Variants in LRP2 observed in about 807,000 individuals in gnomAD.
The protein encoded by LRP2 is LDL receptor related protein 2.
Under a neutral mutation model 531.0 loss-of-function variants are expected in LRP2, and 172 were observed. The ratio of observed to expected loss-of-function variants is 0.32; its 90% CI spans 0.29 to 0.37. The LOEUF is 0.37. LRP2 is among the 10% of genes least tolerant of loss of function. LRP2 has a pLI of 1.00. For missense variants in LRP2, 5,167 were observed against 5,868.3 expected (o/e 0.88, Z 3.90); for synonymous variants, 1,992 against 2,027.6 (o/e 0.98, Z 0.47).
chr2:169,191,723 AG>A lies in LRP2; in HGVS notation c.9032+108del, dbSNP rs577621021. On this transcript the variant is annotated intron_variant, in intron 48 of 78. Transcript: ENST00000649046. ...CCAAACATTTTCATAAGCCACTAAAAGCATCATGGGCCCTGGGCACTGTGGC... is the reference window on the plus strand; with the variant it reads ...CCAAACATTTTCATAAGCCACTAAAACATCATGGGCCCTGGGCACTGTGGC... 3.6e-4 allele frequency: 306 copies of A among 853,348 alleles called. 1 individual carries two copies. In the East Asian group the frequency reaches 7.1e-3, roughly 20 times the overall value. The allele number at this position is 853,348 out of a possible 1,614,324, so 52.9% of individuals were successfully genotyped here.
intron 53 of LRP2, 77 bp from the exon 54 acceptor site, chr2:169,176,665 T>G: frequency 7.6e-7 from 1 of 1,321,894 alleles, no homozygotes; most frequent in Non-Finnish European, 1.1e-6. Flanking sequence ...TTACACATCT[T>G]GACTTTAAAC....
chr2:169,170,930 T>TTTG (rs1159604234), intron 58 of LRP2, among the ~76,000 whole-genome samples: 3 of 146,726 alleles, frequency 2.0e-5, no homozygotes, highest in African/African-American at 5.0e-5. Flanking sequence ...TGTTTTTTTT[T>TTTG]TTTTTTTTTT....
chr2:169,234,802 A>G (rs1268644078), intron 29 of LRP2, among the ~76,000 whole-genome samples: 1 of 152,020 alleles, frequency 6.6e-6, no homozygotes, highest in African/African-American at 2.4e-5. Context: ...TAAAATATCT[A>G]TTTTCTTTAT....
At chr2:169,195,559 T>G (rs1193810468) in intron 46 of LRP2, among the ~76,000 whole-genome samples, 1 of 152,182 alleles carries the variant, frequency 6.6e-6, no homozygotes, top group African/African-American at 2.4e-5. Flanking sequence ...GATTATGTGC[T>G]TATTTTTATT....
At chr2:169,321,835 T>C (rs951246596) in intron 1 of LRP2, among the ~76,000 whole-genome samples, 8 of 152,100 alleles carry the variant, frequency 5.3e-5, no homozygotes, top group African/African-American at 1.9e-4. Context: ...TCCCTAGTGA[T>C]ACTGGAAGGA....
intron 4 of LRP2, among the ~76,000 whole-genome samples, chr2:169,295,233 G>A (rs1333581270): frequency 6.6e-6 from 1 of 152,142 alleles, no homozygotes; most frequent in African/African-American, 2.4e-5. Flanking sequence ...CCACTAAGCA[G>A]CTATTTACTG....
chr2:169,237,634 ATC>A (rs1189754688), intron 27 of LRP2, among the ~76,000 whole-genome samples: 1 of 152,232 alleles, frequency 6.6e-6, no homozygotes, highest in African/African-American at 2.4e-5. Flanking sequence ...AACGAATAAT[ATC>A]TCTATTAATT....
At chr2:169,198,946 T>C (rs1472629685) in intron 44 of LRP2, 35 bp from the exon 45 acceptor site, 1 of 1,605,736 alleles carries the variant, frequency 6.2e-7, no homozygotes, top group Non-Finnish European at 8.5e-7. Context: ...ATTAGGAATA[T>C]ATCCACCAAA....
intron 34 of LRP2, among the ~76,000 whole-genome samples, chr2:169,218,900 C>T (rs752401228): frequency 3.9e-5 from 6 of 152,116 alleles, no homozygotes; most frequent in Non-Finnish European, 7.4e-5. Flanking sequence ...GTAGAGCTTC[C>T]TCCCATCTTC....
At chr2:169,164,771 T>C (rs1686721919) in intron 62 of LRP2, among the ~76,000 whole-genome samples, 2 of 152,222 alleles carry the variant, frequency 1.3e-5, no homozygotes, top group South Asian at 4.1e-4. Context: ...TCTCCCAGAC[T>C]AAAACCCTGT....
At chr2:169,317,004 G>A (rs1220955511) in intron 3 of LRP2, among the ~76,000 whole-genome samples, 1 of 152,102 alleles carries the variant, frequency 6.6e-6, no homozygotes, top group Non-Finnish European at 1.5e-5. Flanking sequence ...TGGCAATCAG[G>A]AGTTATCTGG....
intron 50 of LRP2, among the ~76,000 whole-genome samples, chr2:169,183,668 G>C (rs971260759): frequency 6.6e-6 from 1 of 152,134 alleles, no homozygotes; most frequent in Non-Finnish European, 1.5e-5. Context: ...CCTGTGAACA[G>C]ATTCTTCTCA....
rs1177911956 is a variant in LRP2 at position 169,142,840 on chromosome 2, A to G, written c.12989-47T>C. On this transcript the variant is annotated intron_variant, in intron 70 of 78. Transcript: ENST00000649046. ...CAGTTAGGTCCTGACAGAATGAATA[A>G]CCTGAATACCCAGCAACTGGAAGTG... 13 of 1,610,136 alleles carry G rather than the reference A, an allele frequency of 8.1e-6. No individual in the cohort carries two copies. The East Asian group carries it at 2.9e-4, about 36-fold the overall frequency.
At chr2:169,177,750 G>A in intron 53 of LRP2, 53 bp downstream of exon 53, 1 of 1,404,798 alleles carries the variant, frequency 7.1e-7, no homozygotes, top group South Asian at 1.2e-5. Context: ...AGACAATCAT[G>A]ACATGCACAT....
rs907096509 is a variant in LRP2, at chr2:169,220,339, T to C, written c.5648+115A>G. 15 of 770,992 alleles carry C rather than the reference T, an allele frequency of 1.9e-5. No individual in the cohort carries two copies. The African/African-American group carries it at 2.6e-4, about 13-fold the overall frequency. The allele number at this position is 770,992 out of a possible 1,614,324, so 47.8% of individuals were successfully genotyped here. On this transcript the variant is annotated intron_variant, in intron 34 of 78. Coordinates refer to ENST00000649046, the MANE Select transcript of LRP2 (RefSeq NM_004525.3). ...TCACTGAGATCTATTATTTTTCAAA[T>C]GTTGACATATGAAATCAGAAGATGT...
Position 169,206,361 on chromosome 2 carries a change from T to C in LRP2, c.7359A>G (p.Ser2453=). Residue 2453 remains serine (S), a synonymous_variant, in exon 39 of 79, where the codon TCA becomes TCG. Coordinates refer to ENST00000649046, the MANE Select transcript of LRP2 (RefSeq NM_004525.3). ...VGQISYATLS[S]GIHTPTVIAS... ...CAATGACAGTTGGAGTATGGATCCC[T>C]GAAGACAGGGTGGCATAGGAAATCT... 1.2e-6 allele frequency: 2 copies of C among 1,614,142 alleles called. No individual in the cohort carries two copies. Among genetic ancestry groups the C allele is most frequent in the Non-Finnish European group, 8.5e-7 (1 of 1,180,020 alleles).
intron 1 of LRP2, among the ~76,000 whole-genome samples, chr2:169,325,802 T>G (rs1018471605): frequency 1.3e-5 from 2 of 148,198 alleles, no homozygotes; most frequent in East Asian, 2.0e-4. Context: ...TTCTTTTGGG[T>G]TTTTTTTTTA....
At chr2:169,274,729 T>A (rs528327524) in intron 14 of LRP2, among the ~76,000 whole-genome samples, 1 of 152,112 alleles carries the variant, frequency 6.6e-6, no homozygotes, top group African/African-American at 2.4e-5. Flanking sequence ...TGAGGATAGG[T>A]ATTTTGGTTT....
In LRP2 at chr2:169,202,904, G is replaced by T; in HGVS notation, c.8061C>A (p.Asn2687Lys). The T allele has an allele frequency of 6.2e-7, 1 of 1,614,200 alleles. No homozygotes were observed. The highest frequency in any genetic ancestry group is 8.5e-7 in the Non-Finnish European group (1 of 1,180,034). Residue 2687 changes from asparagine to lysine, a missense_variant, in exon 43 of 79, where the codon AAC becomes AAA. Coordinates refer to ENST00000649046, the MANE Select transcript of LRP2 (RefSeq NM_004525.3). ...CPHEGNWYLA[N>K]NRKHCIVDNG... Reference sequence around the variant, plus strand: ...TGTCCACAATGCAGTGCTTCCTGTTGTTGGCCAAATACCAGTTGCCCTCAT... The same window carrying T: ...TGTCCACAATGCAGTGCTTCCTGTTTTTGGCCAAATACCAGTTGCCCTCAT...
Sources: allele counts gnomAD v4.1 joint callset (sites outside exome capture counted in the v4.1 genomes callset), GRCh38; gene constraint gnomAD v4.1.1; transcripts MANE v1.5; gene names NCBI Gene and HGNC (gene_info 2026-07-23, HGNC 2026-07-21).